SH2D7: variants seen among roughly 807,000 people sequenced by gnomAD.
SH2D7 encodes the protein SH2 domain containing 7, also known as SH2 domain-containing protein 7.
In SH2D7, 32 loss-of-function variants were observed where a neutral mutation model predicts 40.8. The ratio of observed to expected loss-of-function variants is 0.78; its 90% CI spans 0.59 to 1.05. The LOEUF (loss-of-function observed/expected upper bound fraction) is 1.05, where lower values mean the gene tolerates loss of function less well. Ranked by LOEUF, SH2D7 falls within the 50% of genes least tolerant of loss-of-function variation. The pLI is 0.00. For missense variants in SH2D7, 559 were observed against 566.6 expected (o/e 0.99, Z 0.14); for synonymous variants, 195 against 221.5 (o/e 0.88, Z 1.06).
Position 78,101,172 on chromosome 15 carries a change from G to T in SH2D7, c.919G>T (p.Gly307Cys), listed in dbSNP as rs1460987552. Reference sequence around the variant, plus strand: ...CCTTTCTGGGGTGAGCCCAGACCAGGGTCCCACAGAGTCTCCCACTTCCTG... The same window carrying T: ...CCTTTCTGGGGTGAGCCCAGACCAGTGTCCCACAGAGTCTCCCACTTCCTG... ...PVLSGVSPDQ[G>C]PTESPTSWGC... The change falls in exon 5 of 6, where the codon GGT (glycine) becomes TGT (cysteine). Residue 307 changes from glycine (G) to cysteine (C), a missense_variant. Physicochemically the swap from Gly to Cys is radical, Grantham distance 159. Coordinates refer to ENST00000328828, the MANE Select transcript of SH2D7 (RefSeq NM_001101404.2). 1.3e-6 allele frequency: 2 copies of T among 1,578,372 alleles called. No individual in the cohort carries two copies. The highest frequency in any genetic ancestry group is 8.6e-7 in the Non-Finnish European group (1 of 1,164,804).
At chr15:78,097,425 G>T (rs1184842589) in intron 2 of SH2D7, among the ~76,000 whole-genome samples, 1 of 152,214 alleles carries the variant, frequency 6.6e-6, no homozygotes, top group African/African-American at 2.4e-5. Context: ...AGGCCGAAGA[G>T]GGGGTGGGAG....
chr15:78,095,973 G>C (rs977051725), intron 2 of SH2D7, among the ~76,000 whole-genome samples: 34 of 152,076 alleles, frequency 2.2e-4, no homozygotes, highest in African/African-American at 7.5e-4. Context: ...CTCCCAACTA[G>C]CTGGGACTAC....
rs1416883355 is a variant in SH2D7, at chr15:78,101,212, C to A, written c.959C>A (p.Ala320Asp). Residue 320 changes from alanine to aspartate, a missense_variant, in exon 5 of 6, where the codon GCC becomes GAC. By Grantham distance (126) the Ala-to-Asp change is moderately radical (BLOSUM62 -2). Transcript: ENST00000328828. ...CCCACTTCCTGGGGATGTTCTGATG[C>A]CATGGGATCCCTGGGGGCTACCTGG... ...ESPTSWGCSD[A>D]MGSLGATWRQ... The A allele has an allele frequency of 5.0e-6, 8 of 1,598,952 alleles. No individual in the cohort carries two copies. Among genetic ancestry groups the A allele is most frequent in the Non-Finnish European group, 6.8e-6 (8 of 1,174,148 alleles).
chr15:78,101,268 G>C lies in SH2D7; in HGVS notation c.1015G>C (p.Ala339Pro), dbSNP rs776275412. The change falls in exon 5 of 6, where the codon GCT (alanine) becomes CCT (proline). Residue 339 changes from alanine to proline, a missense_variant. By Grantham distance (27) the Ala-to-Pro change is conservative (BLOSUM62 -1). Transcript: ENST00000328828. ...GGAGTTTCCAAAGCTGAGCCAAGAG[G>C]CTCAGCCCTGCTCCCAGGGCAGCTC... The part of the protein sequence containing the change: ...RQEFPKLSQE[A>P]QPCSQGSSAD... 7 of 1,611,380 alleles carry C rather than the reference G, an allele frequency of 4.3e-6. No homozygotes were observed. Among genetic ancestry groups the C allele is most frequent in the Non-Finnish European group, 5.9e-6 (7 of 1,178,894 alleles).
rs764633741 is a variant in SH2D7, at chr15:78,098,447, G to C, written c.496G>C (p.Glu166Gln). ...RGLHQTIVDP[E>Q]NPPATAFLTV... is the part of the protein sequence containing the mutation. ...CCTCCACCAGACCATCGTGGACCCA[G>C]AAAACCCACCTGCCACGGCATTCCT... The change falls in exon 4 of 6, where the codon GAA becomes CAA. Residue 166 changes from glutamate (E) to glutamine (Q), a missense_variant. By Grantham distance (29) the Glu-to-Gln change is conservative. Coordinates refer to ENST00000328828, the MANE Select transcript of SH2D7 (RefSeq NM_001101404.2). 14 of 1,613,876 alleles carry C rather than the reference G, an allele frequency of 8.7e-6. No individual in the cohort carries two copies. The Admixed American group carries it at 2.3e-4, about 27-fold the overall frequency.
rs772426750 is a variant in SH2D7, at chr15:78,098,523, AG to A, written c.574del (p.Val192SerfsTer12). 6.2e-7 allele frequency: 1 copy of A among 1,613,886 alleles called. No homozygotes were observed. The highest frequency in any genetic ancestry group is 1.3e-5 in the African/African-American group (1 of 74,928). The stretch of plus-strand genomic sequence containing the variant: ...AGCCCCCGCTCTTCTCCAAAGCCCC[AG>A]GTCTCCTTCCTCCATGCACAGAAAA... ...AASPRSSPKP[Q>X]VSFLHAQKSL... is the part of the protein sequence containing the mutation. On this transcript the variant is annotated frameshift_variant, in exon 4 of 6. Transcript: ENST00000328828. LOFTEE classifies it high-confidence loss of function.
Position 78,101,011 on chromosome 15 carries a change from G to A in SH2D7, c.758G>A (p.Arg253Gln), listed in dbSNP as rs765594674. The A allele has an allele frequency of 5.6e-6, 9 of 1,613,654 alleles. No homozygotes were observed. Among genetic ancestry groups the A allele is most frequent in the East Asian group, 4.5e-5 (2 of 44,898 alleles). ...YADLRRMNQARLGLGTEGSGR... is the reference protein window; with the variant it reads ...YADLRRMNQAQLGLGTEGSGR... ...GACCTGAGGAGGATGAACCAGGCAC[G>A]GCTAGGCTTGGGCACAGAGGGGTCC... The change falls in exon 5 of 6, where the codon CGG (arginine) becomes CAG (glutamine). Residue 253 changes from arginine (R) to glutamine (Q), a missense_variant. Arg to Gln is a conservative substitution (Grantham distance 43, BLOSUM62 1). Coordinates refer to ENST00000328828, the MANE Select transcript of SH2D7 (RefSeq NM_001101404.2).
intron 5 of SH2D7, 110 bp from the exon 6 acceptor site, chr15:78,103,355 T>C (rs2074029722): frequency 7.9e-7 from 1 of 1,262,238 alleles, no homozygotes; most frequent in African/African-American, 1.5e-5. Context: ...CCTGGCCTCA[T>C]GTCCTAGGCT....
chr15:78,093,533 A>G (rs967858499), intron 1 of SH2D7, among the ~76,000 whole-genome samples: 1 of 152,244 alleles, frequency 6.6e-6, no homozygotes, highest in Non-Finnish European at 1.5e-5. Context: ...ACCACAAGAC[A>G]GCTGGAACTT....
chr15:78,096,673 T>A (rs904787633), intron 2 of SH2D7, among the ~76,000 whole-genome samples: 2 of 151,124 alleles, frequency 1.3e-5, no homozygotes, highest in African/African-American at 4.9e-5. Context: ...TTTTTTTTTT[T>A]AATTTTTAGT....
intron 4 of SH2D7, among the ~76,000 whole-genome samples, chr15:78,100,278 A>T (rs1441139125): frequency 6.6e-6 from 1 of 152,192 alleles, no homozygotes; most frequent in Non-Finnish European, 1.5e-5. Context: ...TCTGAAGGGA[A>T]ATGCAGCAGT....
chr15:78,096,610 C>T (rs879473936), intron 2 of SH2D7, among the ~76,000 whole-genome samples: 5 of 152,178 alleles, frequency 3.3e-5, no homozygotes, highest in Non-Finnish European at 5.9e-5. Flanking sequence ...ATTTTCCTAC[C>T]TCAGCCTCCA....
chr15:78,098,254 T>C, intron 3 of SH2D7, 130 bp from the exon 4 acceptor site: 1 of 1,391,304 alleles, frequency 7.2e-7, no homozygotes, highest in East Asian at 2.5e-5. Context: ...AGGGAGACTG[T>C]GGCAATGTCT....
chr15:78,094,299 T>A, intron 2 of SH2D7, 98 bp downstream of exon 2: 1 of 1,148,762 alleles, frequency 8.7e-7, no homozygotes, highest in Non-Finnish European at 1.3e-6. Flanking sequence ...TGCCTAGATT[T>A]CCCTGGGTCC....
intron 4 of SH2D7, 138 bp from the exon 5 acceptor site, chr15:78,100,761 T>C (rs1360348041): frequency 3.4e-6 from 3 of 889,552 alleles, no homozygotes; most frequent in East Asian, 2.6e-5. Context: ...CTGAGTGTCA[T>C]GTATCCAACC....
chr15:78,096,750 C>T (rs764713384), intron 2 of SH2D7, among the ~76,000 whole-genome samples: 9 of 151,952 alleles, frequency 5.9e-5, no homozygotes, highest in Non-Finnish European at 1.2e-4. Flanking sequence ...ATTTGCCTGC[C>T]TCGGCCCCTC....
chr15:78,092,910 G>C, intron 1 of SH2D7, 150 bp downstream of exon 1: 1 of 1,057,340 alleles, frequency 9.5e-7, no homozygotes, highest in Non-Finnish European at 1.3e-6. Flanking sequence ...AACAGACTGA[G>C]GAGCGCCACA....
At position 78,103,617 on chromosome 15, in the gene SH2D7, T is replaced by C; in HGVS notation, c.*102T>C. 1.5e-6 allele frequency: 2 copies of C among 1,371,378 alleles called. No homozygotes were observed. The highest frequency in any genetic ancestry group is 2.0e-6 in the Non-Finnish European group (2 of 996,388). The allele number at this position is 1,371,378 out of a possible 1,614,324, so 85.0% of individuals were successfully genotyped here. A position where few individuals can be genotyped will look rare whatever the true frequency, so the allele number is the denominator to read the frequency against. ...CTCACTTGAAGGCACCCTTTGGATC[T>C]TGAGACTCATCCAGCCTGCTACAGA... On this transcript the variant is annotated 3_prime_UTR_variant, in exon 6 of 6. Transcript: ENST00000328828.
At chr15:78,098,347 G>A in intron 3 of SH2D7, 37 bp from the exon 4 acceptor site, 1 of 1,606,962 alleles carries the variant, frequency 6.2e-7, no homozygotes. Flanking sequence ...GGCTGGGCAT[G>A]TGTGACCACA....
Sources: allele counts gnomAD v4.1 joint callset (sites outside exome capture counted in the v4.1 genomes callset), GRCh38; gene constraint gnomAD v4.1.1; transcripts MANE v1.5; gene names NCBI Gene and HGNC (gene_info 2026-07-23, HGNC 2026-07-21).